Variants in ADAMTSL3 observed in about 807,000 individuals in gnomAD.
ADAMTSL3 encodes ADAMTS-like protein 3.
A neutral mutation model predicts 201.7 loss-of-function variants in ADAMTSL3; 128 were observed. The observed-to-expected ratio is 0.63, with a 90% CI of 0.55 to 0.73. The LOEUF (loss-of-function observed/expected upper bound fraction) is 0.73, where lower values mean the gene tolerates loss of function less well. Among genes scored for constraint, ADAMTSL3 ranks in the 30% least tolerant of loss-of-function variants. The pLI, the probability that ADAMTSL3 is intolerant of heterozygous loss-of-function variation, is 0.00. For missense variants in ADAMTSL3, 1,990 were observed against 2,119.6 expected, an observed-to-expected ratio of 0.94 and a Z score of 1.20; for synonymous variants, 738 against 748.4, an observed-to-expected ratio of 0.99 and a Z score of 0.23.
chr15:83,722,638 T>C (rs544837926), intron 3 of ADAMTSL3, among the ~76,000 whole-genome samples: 1 of 152,306 alleles, frequency 6.6e-6, no homozygotes, highest in East Asian at 1.9e-4. Context: ...GAAGAAATTA[T>C]TCATGCAAGA....
chr15:83,828,828 T>C (rs529403550), intron 6 of ADAMTSL3, among the ~76,000 whole-genome samples: 1 of 152,332 alleles, frequency 6.6e-6, no homozygotes, highest in East Asian at 1.9e-4. Context: ...TGGATTACGT[T>C]TATTGATTTT....
intron 16 of ADAMTSL3, among the ~76,000 whole-genome samples, chr15:83,917,417 G>GTGTGTGTGTGTGTGTATGTA (rs9329362): frequency 6.8e-6 from 1 of 146,532 alleles, no homozygotes; most frequent in African/African-American, 2.6e-5. Flanking sequence ...TCCAAAGTGT[G>GTGTGTGTGTGTGTGTATGTA]TGTATGTATG....
At chr15:83,696,234 C>T (rs536166958) in intron 2 of ADAMTSL3, among the ~76,000 whole-genome samples, 5 of 152,262 alleles carry the variant, frequency 3.3e-5, no homozygotes, top group East Asian at 1.9e-4. Context: ...TCTTCCTGGC[C>T]GATCTTGGTT....
At chr15:83,681,064 C>A (rs1281819175) in intron 2 of ADAMTSL3, among the ~76,000 whole-genome samples, 1 of 152,130 alleles carries the variant, frequency 6.6e-6, no homozygotes, top group African/African-American at 2.4e-5. Flanking sequence ...TGCAATAGCC[C>A]TATCACTATT....
intron 24 of ADAMTSL3, 59 bp from the exon 25 acceptor site, chr15:84,016,324 C>A: frequency 2.2e-6 from 3 of 1,370,302 alleles, no homozygotes; most frequent in Non-Finnish European, 3.1e-6. Flanking sequence ...AACACCCAAG[C>A]TGGACCAATA....
At chr15:83,801,661 T>TAAATATATAAATATAA (rs1283134635) in intron 4 of ADAMTSL3, among the ~76,000 whole-genome samples, 14 of 56,456 alleles carry the variant, frequency 2.5e-4, no homozygotes, top group African/African-American at 9.3e-4. Context: ...AATATATATA[T>TAAATATATAAATATAA]ATATATATAT....
At position 83,873,579 on chromosome 15, in the gene ADAMTSL3, A is replaced by G. The variant is rs1329852126; in HGVS notation, c.960+2620A>G. On this transcript the variant is annotated intron_variant, in intron 9 of 29. Coordinates refer to ENST00000286744, the MANE Select transcript of ADAMTSL3 (RefSeq NM_207517.3). ...TTTTTTGTAGAGACAGAGTCTCACT[A>G]TGTTACCCAGGCTGGCCTTGAACTC... is the stretch of plus-strand genomic sequence containing the variant. 2.1e-5 allele frequency among the ~76,000 whole-genome samples: 3 copies of G among 144,440 alleles called. 1 individual carries two copies. Among genetic ancestry groups the G allele is most frequent in the Middle Eastern group, 3.5e-3 (1 of 286 alleles). The allele number at this position is 144,440 out of a possible 152,430, so 94.8% of individuals were successfully genotyped here.
At chr15:84,033,260 C>A (rs2068441510) in intron 28 of ADAMTSL3, among the ~76,000 whole-genome samples, 1 of 152,084 alleles carries the variant, frequency 6.6e-6, no homozygotes, top group Admixed American at 6.6e-5. Flanking sequence ...AGATGCAAAT[C>A]TGATCCTACC....
In ADAMTSL3 at chr15:83,773,424, A is replaced by T. The variant is rs115789298; in HGVS notation, c.190-99A>T. 2,312 of 1,323,670 alleles carry T rather than the reference A, an allele frequency of 1.7e-3. 36 individuals are homozygous for T. In the African/African-American group the frequency reaches 0.03, roughly 17 times the overall value. 82.0% of individuals were successfully genotyped at this position (1,323,670 alleles called of 1,614,324 possible). A position where few individuals can be genotyped will look rare whatever the true frequency, so the allele number is the denominator to read the frequency against. ...TGTCTCAATTAAAAAAAAAAAGGTG[A>T]CTCTGGAATAACTGGGGAAGATTTG... On this transcript the variant is annotated intron_variant, in intron 3 of 29. Coordinates refer to ENST00000286744, the MANE Select transcript of ADAMTSL3 (RefSeq NM_207517.3).
At chr15:84,018,116 G>A (rs896388823) in intron 25 of ADAMTSL3, among the ~76,000 whole-genome samples, 2 of 152,234 alleles carry the variant, frequency 1.3e-5, no homozygotes, top group Admixed American at 6.5e-5. Context: ...AAGGATATGT[G>A]TGAGGCTGAA....
At chr15:83,798,639 C>G (rs1264306842) in intron 4 of ADAMTSL3, among the ~76,000 whole-genome samples, 3 of 151,906 alleles carry the variant, frequency 2.0e-5, no homozygotes, top group Non-Finnish European at 4.4e-5. Context: ...AACCCCGTCT[C>G]TACTAAAAAT....
chr15:83,931,510 C>G (rs1246050512), intron 17 of ADAMTSL3, among the ~76,000 whole-genome samples: 1 of 152,142 alleles, frequency 6.6e-6, no homozygotes, highest in East Asian at 1.9e-4. Flanking sequence ...GCTATGTAGT[C>G]CAATTGTCAT....
chr15:84,016,527 G>T (rs1181305704), intron 25 of ADAMTSL3, 28 bp downstream of exon 25: 13 of 1,571,862 alleles, frequency 8.3e-6, no homozygotes, highest in South Asian at 1.1e-5. Flanking sequence ...TTTCAGATTT[G>T]CTATGTGTGA....
chr15:83,891,091 A>G (rs1451351987), intron 11 of ADAMTSL3: 2 of 458,280 alleles, frequency 4.4e-6, no homozygotes, highest in African/African-American at 2.0e-5. Flanking sequence ...TTTGATTAAT[A>G]TACTGCTAGT....
rs1003516804 is a variant in ADAMTSL3, at chr15:83,923,965, C to T, written c.2049C>T (p.Ser683=). ...HIQTQQTVND[S]LCDMVHRPPA... ...AGACCCAGCAGACAGTCAATGACAG[C>T]TTGTGTGATATGGTCCACCGTCCTC... The change falls in exon 17 of 30, where the codon AGC becomes AGT. Residue 683 remains serine, a synonymous_variant. Coordinates refer to ENST00000286744, the MANE Select transcript of ADAMTSL3 (RefSeq NM_207517.3). 6.2e-7 allele frequency: 1 copy of T among 1,614,164 alleles called. No individual in the cohort carries two copies.
rs1013837758 is a variant in ADAMTSL3 at position 83,672,215 on chromosome 15, A to G, written c.69+16385A>G. On this transcript the variant is annotated intron_variant, in intron 2 of 29. Coordinates refer to ENST00000286744, the MANE Select transcript of ADAMTSL3 (RefSeq NM_207517.3). Reference sequence around the variant, plus strand: ...CTCATTTAGGAGTACATTTTAAGCTATGTTATAAAATGGATACTCTGAGTC... The same window carrying G: ...CTCATTTAGGAGTACATTTTAAGCTGTGTTATAAAATGGATACTCTGAGTC... 2.8e-4 allele frequency among the ~76,000 whole-genome samples: 42 copies of G among 152,296 alleles called. 1 individual carries two copies. Among genetic ancestry groups the G allele is most frequent in the Admixed American group, 2.6e-3 (40 of 15,292 alleles).
intron 25 of ADAMTSL3, among the ~76,000 whole-genome samples, chr15:84,017,527 AT>A: frequency 1.3e-5 from 2 of 152,296 alleles, no homozygotes; most frequent in Middle Eastern, 3.4e-3. Context: ...TGCATAATGT[AT>A]CATGCAGAAT....
intron 3 of ADAMTSL3, among the ~76,000 whole-genome samples, chr15:83,771,614 G>A (rs1016183214): frequency 6.6e-6 from 1 of 152,154 alleles, no homozygotes; most frequent in Non-Finnish European, 1.5e-5. Flanking sequence ...GCATGTGATA[G>A]GCTTTCCTTC....
At chr15:83,932,857 A>G (rs1020001299) in intron 17 of ADAMTSL3, among the ~76,000 whole-genome samples, 1 of 152,228 alleles carries the variant, frequency 6.6e-6, no homozygotes, top group Non-Finnish European at 1.5e-5. Context: ...GTGGGGGAAA[A>G]AACAGAATCA....
Sources: allele counts gnomAD v4.1 joint callset (sites outside exome capture counted in the v4.1 genomes callset), GRCh38; gene constraint gnomAD v4.1.1; transcripts MANE v1.5; gene names NCBI Gene and HGNC (gene_info 2026-07-23, HGNC 2026-07-21).